The following ARHGEF10L variants were observed in gnomAD, a reference collection of about 807,000 sequenced individuals.
The protein encoded by ARHGEF10L is rho guanine nucleotide exchange factor 10-like protein.
Under a neutral mutation model 141.2 loss-of-function variants are expected in ARHGEF10L, and 69 were observed. That is an observed-to-expected ratio of 0.49 (90% CI 0.40 to 0.60). The LOEUF (loss-of-function observed/expected upper bound fraction) is 0.60. Ranked by LOEUF, ARHGEF10L falls within the 20% of genes least tolerant of loss-of-function variation. The pLI is 0.00. For synonymous variants in ARHGEF10L, 711 were observed against 718.5 expected (o/e 0.99, Z 0.17); for missense variants, 1,482 against 1,734.3 (o/e 0.85, Z 2.58).
At chr1:17,658,364 C>G (rs34421778) in intron 25 of ARHGEF10L, among the ~76,000 whole-genome samples, 18,298 of 152,086 alleles carry the variant, frequency 0.12, 1,363 homozygotes, top group Non-Finnish European at 0.16. Context: ...GGCTTCTAGT[C>G]TGGGGTTGGA....
At chr1:17,634,138 T>G in intron 16 of ARHGEF10L, 2 of 229,106 alleles carry the variant, frequency 8.7e-6, no homozygotes, top group Middle Eastern at 1.5e-3. Flanking sequence ...AAGAAGGTAA[T>G]TCTTCAGTCC....
At chr1:17,583,221 A>AAG (rs1557742166) in intron 2 of ARHGEF10L, among the ~76,000 whole-genome samples, 2 of 150,564 alleles carry the variant, frequency 1.3e-5, no homozygotes, top group East Asian at 3.9e-4. Context: ...AAAAAAAAAA[A>AAG]AAGAAGGTGT....
chr1:17,535,243 G>A (rs2076558290), upstream of ARHGEF10L, among the ~76,000 whole-genome samples: 1 of 152,178 alleles, frequency 6.6e-6, no homozygotes, highest in South Asian at 2.1e-4. Flanking sequence ...AACAGGGCTT[G>A]TGGTCCTCTG....
At chr1:17,642,537 A>C (rs1459886103) in intron 21 of ARHGEF10L, among the ~76,000 whole-genome samples, 1 of 151,720 alleles carries the variant, frequency 6.6e-6, no homozygotes, top group Non-Finnish European at 1.5e-5. Flanking sequence ...TGCTGTGGGG[A>C]GAGGGCATGG....
intron 25 of ARHGEF10L, among the ~76,000 whole-genome samples, chr1:17,663,377 C>T (rs2062755246): frequency 6.6e-6 from 1 of 152,034 alleles, no homozygotes. Context: ...CATGGCAAAA[C>T]CCCGTGTCTA....
At chr1:17,523,227 A>T in the ARHGEF10L span, among the ~76,000 whole-genome samples, 1 of 151,770 alleles carries the variant, frequency 6.6e-6, no homozygotes, top group East Asian at 1.9e-4. Context: ...CTGGGACTAT[A>T]GGTGCCCACC....
chr1:17,632,144 C>T (rs1464215653), intron 15 of ARHGEF10L, among the ~76,000 whole-genome samples, 177 bp from the exon 16 acceptor site: 1 of 152,206 alleles, frequency 6.6e-6, no homozygotes, highest in Non-Finnish European at 1.5e-5. Flanking sequence ...ATGTGTGGTC[C>T]TCTGGTCTTC....
chr1:17,592,584 G>A (rs1008195371), intron 4 of ARHGEF10L, among the ~76,000 whole-genome samples: 2 of 152,216 alleles, frequency 1.3e-5, no homozygotes, highest in Non-Finnish European at 2.9e-5. Context: ...GGCACAGGAT[G>A]GAAACAGGGC....
chr1:17,697,271 G>A lies in ARHGEF10L; in HGVS notation c.3731G>A (p.Gly1244Glu), dbSNP rs2065580969. Residue 1244 changes from glycine to glutamate, a missense_variant, in exon 29 of 29, where the codon GGG becomes GAG. By Grantham distance (98) the Gly-to-Glu change is moderately conservative. Around this residue, in one of 3 missense-constraint regions of ARHGEF10L, gnomAD observed 858 missense variants for 966.3 expected, o/e 0.89. Transcript: ENST00000361221. This position sits in a 1 kb window ranked among gnomAD's most constrained non-coding sequence, Gnocchi z 4.8. The part of the protein sequence containing the change: ...EICSVAIISG[G>E]QGYRNFGSAL... ...TGCTCTGTGGCCATCATCTCCGGCG[G>A]GCAGGGCTACCGCAACTTTGGCAGC... is the stretch of plus-strand genomic sequence containing the variant. 1.2e-6 allele frequency: 2 copies of A among 1,612,660 alleles called. No homozygotes were observed. Among genetic ancestry groups the A allele is most frequent in the African/African-American group, 1.3e-5 (1 of 74,942 alleles).
intron 27 of ARHGEF10L, among the ~76,000 whole-genome samples, chr1:17,692,609 C>T (rs987084807): frequency 3.3e-5 from 5 of 152,174 alleles, no homozygotes; most frequent in Non-Finnish European, 5.9e-5. Context: ...ACCTCACTGC[C>T]GCCGCCCTTC....
chr1:17,634,604 C>T (rs192371211), intron 17 of ARHGEF10L, 42 bp downstream of exon 17: 272 of 1,608,068 alleles, frequency 1.7e-4, no homozygotes, highest in Non-Finnish European at 2.2e-4. Context: ...GGCTCTGGGG[C>T]TCTGGGGCTC....
intron 26 of ARHGEF10L, among the ~76,000 whole-genome samples, chr1:17,668,240 G>C (rs554189814): frequency 6.6e-6 from 1 of 152,344 alleles, no homozygotes; most frequent in South Asian, 2.1e-4. Context: ...AGCTGCTCCC[G>C]GGGTCGGTGT....
chr1:17,563,052 C>T (rs2256390), intron 1 of ARHGEF10L, among the ~76,000 whole-genome samples: 8,131 of 151,924 alleles, frequency 0.054, 255 homozygotes, highest in Non-Finnish European at 0.064. Context: ...GGGCTGGATG[C>T]GGGGAGGAGG....
chr1:17,516,760 C>T, the ARHGEF10L span, among the ~76,000 whole-genome samples: 3 of 152,160 alleles, frequency 2.0e-5, no homozygotes, highest in Non-Finnish European at 4.4e-5. Context: ...AACCTGGAAT[C>T]GCCCCTCCCA....
chr1:17,582,556 C>T (rs759927040), intron 2 of ARHGEF10L, among the ~76,000 whole-genome samples: 15 of 152,204 alleles, frequency 9.9e-5, no homozygotes, highest in Non-Finnish European at 1.9e-4. Flanking sequence ...GTCTTCAGCA[C>T]CCCCGGGGCA....
intron 7 of ARHGEF10L, among the ~76,000 whole-genome samples, chr1:17,610,309 G>A (rs1473785528): frequency 6.6e-6 from 1 of 152,210 alleles, no homozygotes; most frequent in Non-Finnish European, 1.5e-5. Flanking sequence ...GAAATGCTGG[G>A]CTGTACTCAC....
At position 17,555,888 on chromosome 1, in the gene ARHGEF10L, C is replaced by G. The variant is rs113688949; in HGVS notation, c.-44+15938C>G. On this transcript the variant is annotated intron_variant, in intron 1 of 28. Transcript: ENST00000361221. ...GGCTCCTGTAATTGGAACCACCCTG[C>G]CTTTGTGGGGCAGGAAGACTGGCTG... 7.2e-5 allele frequency among the ~76,000 whole-genome samples: 11 copies of G among 152,156 alleles called. 1 individual carries two copies. Among genetic ancestry groups the G allele is most frequent in the African/African-American group, 2.7e-4 (11 of 41,498 alleles).
rs994347979 is a variant in ARHGEF10L at position 17,622,023 on chromosome 1, G to A, written c.1020+82G>A. ...GGGTAACTTTATACGGAGTGTTTGG[G>A]GACTGTGGGCAGTTTTAAGGGGACA... On this transcript the variant is annotated intron_variant, in intron 11 of 28. Transcript: ENST00000361221. The A allele has an allele frequency of 2.7e-6, 4 of 1,471,656 alleles. No homozygotes were observed. In the African/African-American group the frequency reaches 5.6e-5, roughly 20 times the overall value. The allele number at this position is 1,471,656 out of a possible 1,614,324, so 91.2% of individuals were successfully genotyped here. A position where few individuals can be genotyped will look rare whatever the true frequency, so the allele number is the denominator to read the frequency against.
chr1:17,686,908 A>C (rs1043770245), intron 26 of ARHGEF10L, among the ~76,000 whole-genome samples: 4 of 150,562 alleles, frequency 2.7e-5, no homozygotes, highest in Non-Finnish European at 5.9e-5. Flanking sequence ...CACACTCCAC[A>C]TCTCAGTCCT....
Sources: allele counts gnomAD v4.1 joint callset (sites outside exome capture counted in the v4.1 genomes callset), GRCh38; gene constraint gnomAD v4.1.1; regional missense constraint gnomAD v4.1.1; non-coding constraint Gnocchi (gnomAD v3.1); transcripts MANE v1.5; gene names NCBI Gene and HGNC (gene_info 2026-07-23, HGNC 2026-07-21).